Variants in SLC4A7 observed in about 807,000 individuals in gnomAD.
SLC4A7 encodes the protein solute carrier family 4 member 7.
A neutral mutation model predicts 137.6 loss-of-function variants in SLC4A7; 51 were observed. The ratio of observed to expected loss-of-function variants is 0.37; its 90% CI spans 0.30 to 0.47. SLC4A7 has a LOEUF of 0.47. Ranked by LOEUF, SLC4A7 falls within the 20% of genes least tolerant of loss-of-function variation. The pLI, the probability that SLC4A7 is intolerant of heterozygous loss-of-function variation, is 1.00. For synonymous variants in SLC4A7, 542 were observed against 518.6 expected (o/e 1.05, Z -0.61); for missense variants, 1,247 against 1,525.4 (o/e 0.82, Z 3.04).
chr3:27,453,401 G>A (rs1174229573), intron 1 of SLC4A7, among the ~76,000 whole-genome samples: 2 of 152,218 alleles, frequency 1.3e-5, no homozygotes, highest in Non-Finnish European at 2.9e-5. Context: ...GATCACCTGA[G>A]GTCGGAGTTC....
chr3:27,436,661 A>C, intron 4 of SLC4A7, 113 bp from the exon 5 acceptor site: 1 of 708,196 alleles, frequency 1.4e-6, no homozygotes, highest in South Asian at 3.1e-5. Flanking sequence ...GAAATAAAGA[A>C]AACCACGACC....
intron 1 of SLC4A7, among the ~76,000 whole-genome samples, chr3:27,454,082 G>A (rs13062327): frequency 0.21 from 32,433 of 152,000 alleles, 3,509 homozygotes; most frequent in Non-Finnish European, 0.25. Flanking sequence ...AGGCTGAGAT[G>A]GGAGTATCAC....
At chr3:27,413,018 T>C (rs2054056528) in intron 11 of SLC4A7, among the ~76,000 whole-genome samples, 1 of 152,046 alleles carries the variant, frequency 6.6e-6, no homozygotes, top group South Asian at 2.1e-4. Flanking sequence ...TTTTTAAAAG[T>C]ACTAAAATAA....
intron 1 of SLC4A7, among the ~76,000 whole-genome samples, chr3:27,481,542 T>C (rs1476904604): frequency 6.6e-6 from 1 of 152,242 alleles, no homozygotes; most frequent in Non-Finnish European, 1.5e-5. Context: ...TTACGACTTT[T>C]ATTTACCAAA....
intron 23 of SLC4A7, among the ~76,000 whole-genome samples, 174 bp downstream of exon 23, chr3:27,385,718 G>A (rs2150045491): frequency 6.6e-6 from 1 of 152,174 alleles, no homozygotes; most frequent in East Asian, 1.9e-4. Flanking sequence ...ACCACTCTCT[G>A]CCTGCTTCCT....
At chr3:27,431,175 G>T in intron 7 of SLC4A7, 123 bp downstream of exon 7, 1 of 1,029,906 alleles carries the variant, frequency 9.7e-7, no homozygotes, top group Non-Finnish European at 1.3e-6. Context: ...AAAACATGCA[G>T]AAGTCAAAAT....
chr3:27,456,692 A>T, intron 1 of SLC4A7: 1 of 1,610,816 alleles, frequency 6.2e-7, no homozygotes, highest in Non-Finnish European at 8.5e-7. Context: ...ATAGTAATAT[A>T]GAAATGCCTT....
At chr3:27,437,547 C>T (rs771934721) in intron 3 of SLC4A7, 21 bp from the exon 4 acceptor site, 17 of 1,478,958 alleles carry the variant, frequency 1.1e-5, no homozygotes, top group Non-Finnish European at 1.5e-5. Flanking sequence ...TAAGAATTTA[C>T]ATATACTCAA....
At position 27,398,367 on chromosome 3, in the gene SLC4A7, GA is replaced by G. The variant is rs1559661158; in HGVS notation, c.2428-15del. 6.3e-7 allele frequency: 1 copy of G among 1,580,372 alleles called. No homozygotes were observed. The highest frequency in any genetic ancestry group is 8.6e-7 in the Non-Finnish European group (1 of 1,166,100). Reference sequence around the variant, plus strand: ...TTTTTTACATTCCTGGAAAAAAGGAGAAAGAAAAAGCAGAATGGGGGATTCT... The same window carrying G: ...TTTTTTACATTCCTGGAAAAAAGGAGAAGAAAAAGCAGAATGGGGGATTCT... On this transcript the variant is annotated splice_polypyrimidine_tract_variant and intron_variant, in intron 16 of 25. Transcript: ENST00000454389.
intron 15 of SLC4A7, 84 bp from the exon 16 acceptor site, chr3:27,400,953 A>T (rs570486454): frequency 1.9e-4 from 138 of 735,656 alleles, no homozygotes; most frequent in Admixed American, 1.8e-4. Context: ...AATGTGGTAG[A>T]TTTTAACTTC....
chr3:27,425,123 C>G (rs2055419871), intron 7 of SLC4A7, among the ~76,000 whole-genome samples: 1 of 152,136 alleles, frequency 6.6e-6, no homozygotes, highest in African/African-American at 2.4e-5. Context: ...GTAATCCCAG[C>G]ACTCTGGGAG....
intron 7 of SLC4A7, among the ~76,000 whole-genome samples, chr3:27,430,286 A>G: frequency 6.7e-6 from 1 of 149,994 alleles, no homozygotes. Flanking sequence ...CATTCACCTT[A>G]TGAGTGAACT....
intron 1 of SLC4A7, among the ~76,000 whole-genome samples, chr3:27,461,216 A>G (rs1009263366): frequency 1.7e-4 from 26 of 150,420 alleles, no homozygotes; most frequent in East Asian, 3.9e-4. Flanking sequence ...TAGCACACAC[A>G]CACACACACA....
intron 20 of SLC4A7, 47 bp downstream of exon 20, chr3:27,394,471 T>A (rs2051931381): frequency 1.3e-6 from 2 of 1,508,352 alleles, no homozygotes; most frequent in African/African-American, 1.4e-5. Context: ...TAACTAAGTA[T>A]AAATGTTATA....
chr3:27,378,841 TC>T (rs1248801412), intron 25 of SLC4A7, among the ~76,000 whole-genome samples: 4 of 152,248 alleles, frequency 2.6e-5, no homozygotes, highest in Non-Finnish European at 5.9e-5. Context: ...TGGTTTCTGA[TC>T]TTTTTTATGT....
chr3:27,386,000 G>A lies in SLC4A7; in HGVS notation c.3384C>T (p.Arg1128=), dbSNP rs367950369. 63 of 1,607,438 alleles carry A rather than the reference G, an allele frequency of 3.9e-5. No homozygotes were observed. Among genetic ancestry groups the A allele is most frequent in the Admixed American group, 6.8e-5 (4 of 58,618 alleles). The part of the protein sequence containing the change: ...PMMVLALVFV[R]KLMDLCFTKR... ...TCGTGAAACACAGGTCCATGAGTTT[G>A]CGCACAAACACTAATGCAAGAACCT... Residue 1128 remains arginine (R), a synonymous_variant, in exon 23 of 26, where the codon CGC becomes CGT. Coordinates refer to ENST00000454389, the MANE Select transcript of SLC4A7 (RefSeq NM_001321103.2).
In SLC4A7 at chr3:27,403,164, T is replaced by A. The variant is rs1256959051; in HGVS notation, c.2296A>T (p.Asn766Tyr). ...GETYAFNMHN[N>Y]LDKLTSYSCV... ...GAGTAGCTGGTCAGTTTATCTAAGTTGTTGTGCATATTAAATGCATATGTT... is the reference window on the plus strand; with the variant it reads ...GAGTAGCTGGTCAGTTTATCTAAGTAGTTGTGCATATTAAATGCATATGTT... Residue 766 changes from asparagine (N) to tyrosine (Y), a missense_variant, in exon 15 of 26, where the codon AAC becomes TAC. This residue lies in a region of SLC4A7 where 499 missense variants were observed against 664.2 expected (regional missense o/e 0.75). Coordinates refer to ENST00000454389, the MANE Select transcript of SLC4A7 (RefSeq NM_001321103.2). The A allele has an allele frequency of 6.2e-7, 1 of 1,611,854 alleles. No individual in the cohort carries two copies. Among genetic ancestry groups the A allele is most frequent in the South Asian group, 1.1e-5 (1 of 90,396 alleles).
At chr3:27,461,854 CGA>C (rs1200970523) in intron 1 of SLC4A7, among the ~76,000 whole-genome samples, 1 of 151,282 alleles carries the variant, frequency 6.6e-6, no homozygotes, top group African/African-American at 2.4e-5. Context: ...CCTGGCTACA[CGA>C]GAGGCTGAAG....
In SLC4A7 at chr3:27,431,486, G is replaced by A; in HGVS notation, c.962C>T (p.Ser321Phe). The A allele has an allele frequency of 1.2e-6, 2 of 1,614,082 alleles. No homozygotes were observed. The highest frequency in any genetic ancestry group is 1.7e-6 in the Non-Finnish European group (2 of 1,179,962). The change falls in exon 7 of 26, where the codon TCT becomes TTT. Residue 321 changes from serine to phenylalanine, a missense_variant. By Grantham distance (155) the Ser-to-Phe change is radical. Coordinates refer to ENST00000454389, the MANE Select transcript of SLC4A7 (RefSeq NM_001321103.2). The part of the protein sequence containing the change: ...PVPTPQNSPP[S>F]SPSISRLTSR... Reference sequence around the variant, plus strand: ...GGTCAGGCGGCTGATGCTAGGGCTAGAAGGAGGACTGTTTTGAGGGGTGGG... The same window carrying A: ...GGTCAGGCGGCTGATGCTAGGGCTAAAAGGAGGACTGTTTTGAGGGGTGGG...
Sources: allele counts gnomAD v4.1 joint callset (sites outside exome capture counted in the v4.1 genomes callset), GRCh38; gene constraint gnomAD v4.1.1; regional missense constraint gnomAD v4.1.1; transcripts MANE v1.5; gene names NCBI Gene and HGNC (gene_info 2026-07-23, HGNC 2026-07-21).